Variants in TMEM108 observed in about 807,000 individuals in gnomAD.
TMEM108 encodes transmembrane protein 108, also known as cancer/testis antigen 124.
A neutral mutation model predicts 35.1 loss-of-function variants in TMEM108; 12 were observed. The observed-to-expected ratio is 0.34, with a 90% CI of 0.22 to 0.55. The LOEUF is 0.55. Ranked by LOEUF, TMEM108 falls within the 20% of genes least tolerant of loss-of-function variation. The pLI is 0.89. For missense variants in TMEM108, 680 were observed against 753.3 expected, an observed-to-expected ratio of 0.90 and a Z score of 1.14; for synonymous variants, 287 against 308.6, an observed-to-expected ratio of 0.93 and a Z score of 0.73.
intron 2 of TMEM108, among the ~76,000 whole-genome samples, chr3:133,078,255 G>A (rs1943769069): frequency 6.6e-6 from 1 of 151,466 alleles, no homozygotes; most frequent in Non-Finnish European, 1.5e-5. Flanking sequence ...TGGACGACAG[G>A]GCATATACCT....
intron 5 of TMEM108, among the ~76,000 whole-genome samples, chr3:133,394,234 C>G (rs557490596): frequency 6.6e-6 from 1 of 152,358 alleles, no homozygotes; most frequent in East Asian, 1.9e-4. Context: ...GTACTCACCA[C>G]CTGCCCTTTA....
At chr3:133,356,828 A>G (rs1001123747) in intron 3 of TMEM108, among the ~76,000 whole-genome samples, 1 of 152,212 alleles carries the variant, frequency 6.6e-6, no homozygotes, top group African/African-American at 2.4e-5. Flanking sequence ...CTCAAGATGG[A>G]TCAGACTTAA....
At chr3:133,248,959 T>C (rs74422159) in intron 3 of TMEM108, among the ~76,000 whole-genome samples, 1,908 of 152,280 alleles carry the variant, frequency 0.013, 16 homozygotes, top group South Asian at 0.024. Flanking sequence ...TAAAAGCTGC[T>C]ACCTTTGCGT....
intron 3 of TMEM108, among the ~76,000 whole-genome samples, chr3:133,234,248 T>C (rs1946199253): frequency 6.6e-6 from 1 of 152,178 alleles, no homozygotes; most frequent in Admixed American, 6.6e-5. Flanking sequence ...CAGTTTCAGC[T>C]TTCTACATAT....
At chr3:133,289,720 C>T (rs1947035906) in intron 3 of TMEM108, among the ~76,000 whole-genome samples, 1 of 152,132 alleles carries the variant, frequency 6.6e-6, no homozygotes, top group South Asian at 2.1e-4. Context: ...TCATTTTTCT[C>T]TCACTTTATA....
intron 3 of TMEM108, among the ~76,000 whole-genome samples, chr3:133,259,522 AGG>A (rs1263293219): frequency 6.6e-6 from 1 of 152,238 alleles, no homozygotes; most frequent in East Asian, 1.9e-4. Flanking sequence ...AGACTCAATA[AGG>A]TTAAATAATA....
chr3:133,242,010 T>C (rs1470982928), intron 3 of TMEM108, among the ~76,000 whole-genome samples: 1 of 151,926 alleles, frequency 6.6e-6, no homozygotes, highest in African/African-American at 2.4e-5. Context: ...AAAATCAGGG[T>C]GTTGAGGGGA....
At chr3:133,134,376 T>C (rs1944535059) in intron 2 of TMEM108, among the ~76,000 whole-genome samples, 1 of 152,142 alleles carries the variant, frequency 6.6e-6, no homozygotes, top group African/African-American at 2.4e-5. Context: ...GCTGAAGTTA[T>C]CAATTACTAG....
chr3:133,350,431 A>T (rs1285167599), intron 3 of TMEM108, among the ~76,000 whole-genome samples: 1 of 152,024 alleles, frequency 6.6e-6, no homozygotes, highest in Non-Finnish European at 1.5e-5. Flanking sequence ...GAGGCTTGTG[A>T]AGGTGGTTCT....
rs75483344 is a variant in TMEM108, at chr3:133,121,914, A to C, written c.-47+75894A>C. On this transcript the variant is annotated intron_variant, in intron 2 of 5. Coordinates refer to ENST00000321871, the MANE Select transcript of TMEM108 (RefSeq NM_023943.4). ...CCTTCTAACCTTTGTAAGCTGAAAA[A>C]AATATTATACCATGGTTTCCATGTT... Among the ~76,000 whole-genome samples the C allele has an allele frequency of 4.3e-3, 652 of 152,256 alleles. 11 individuals are homozygous for C. Among genetic ancestry groups the C allele is most frequent in the East Asian group, 0.031 (162 of 5,180 alleles).
chr3:133,305,427 A>C (rs981237612), intron 3 of TMEM108, among the ~76,000 whole-genome samples: 1 of 151,608 alleles, frequency 6.6e-6, no homozygotes, highest in Non-Finnish European at 1.5e-5. Flanking sequence ...TGACGAGTTA[A>C]TGGGTGCAGC....
Position 133,296,926 on chromosome 3 carries a change from T to C in TMEM108, c.40+67575T>C, listed in dbSNP as rs138156717. ...GTGAGAATGATAGCCCCCCTAGTGA[T>C]ATCAACTATCCCCACTTTCTTAATG... On this transcript the variant is annotated intron_variant, in intron 3 of 5. Coordinates refer to ENST00000321871, the MANE Select transcript of TMEM108 (RefSeq NM_023943.4). Among the ~76,000 whole-genome samples the C allele has an allele frequency of 3.1e-3, 476 of 152,302 alleles. 4 individuals are homozygous for C. Among genetic ancestry groups the C allele is most frequent in the African/African-American group, 0.011 (445 of 41,560 alleles).
At chr3:133,243,003 C>G (rs1559879714) in intron 3 of TMEM108, among the ~76,000 whole-genome samples, 1 of 152,146 alleles carries the variant, frequency 6.6e-6, no homozygotes, top group Non-Finnish European at 1.5e-5. Context: ...GGCAGAGAAA[C>G]AAGGGTCCAA....
chr3:133,111,329 T>G (rs1158415179), intron 2 of TMEM108, among the ~76,000 whole-genome samples: 1 of 152,186 alleles, frequency 6.6e-6, no homozygotes, highest in African/African-American at 2.4e-5. Context: ...GAGTTGATAT[T>G]TGAACCCAGG....
intron 2 of TMEM108, among the ~76,000 whole-genome samples, chr3:133,084,401 T>C (rs536578104): frequency 6.8e-4 from 104 of 152,292 alleles, no homozygotes; most frequent in Non-Finnish European, 1.1e-3. Flanking sequence ...AGAGAAGAAA[T>C]GGCCTCAAAT....
intron 3 of TMEM108, among the ~76,000 whole-genome samples, chr3:133,231,525 A>G (rs1946153142): frequency 6.6e-6 from 1 of 152,138 alleles, no homozygotes; most frequent in Non-Finnish European, 1.5e-5. Flanking sequence ...GAATTCTTAT[A>G]AGGCAGCTAC....
intron 3 of TMEM108, among the ~76,000 whole-genome samples, chr3:133,232,774 G>A (rs1946172856): frequency 6.6e-6 from 1 of 152,176 alleles, no homozygotes; most frequent in South Asian, 2.1e-4. Context: ...CAGGAATGTG[G>A]TACTGAGTGT....
At chr3:133,327,251 T>A (rs1314297923) in intron 3 of TMEM108, among the ~76,000 whole-genome samples, 2 of 152,254 alleles carry the variant, frequency 1.3e-5, no homozygotes, top group Non-Finnish European at 2.9e-5. Flanking sequence ...CTAATTGATA[T>A]TGTCAGAGCA....
At chr3:133,137,118 T>C (rs1944575456) in intron 2 of TMEM108, among the ~76,000 whole-genome samples, 1 of 152,202 alleles carries the variant, frequency 6.6e-6, no homozygotes, top group Admixed American at 6.5e-5. Context: ...CTGTCTCTGG[T>C]TGGCATCAGT....
Sources: gnomAD v4.1 joint callset for allele counts (sites outside exome capture counted in the v4.1 genomes callset) on GRCh38, gnomAD v4.1.1 for gene constraint, MANE v1.5 for transcripts, NCBI Gene and HGNC (gene_info 2026-07-23, HGNC 2026-07-21) for gene names.